Variants in XKR6 observed in about 807,000 individuals in gnomAD.
The protein encoded by XKR6 is XK-related protein 6.
A neutral mutation model predicts 56.7 loss-of-function variants in XKR6; 22 were observed. The observed-to-expected ratio is 0.39, with a 90% CI of 0.28 to 0.55. The LOEUF is 0.55. Among genes scored for constraint, XKR6 ranks in the 20% least tolerant of loss-of-function variants. XKR6 has a pLI of 0.66. For missense variants in XKR6, 852 were observed against 889.0 expected, an observed-to-expected ratio of 0.96 and a Z score of 0.53; for synonymous variants, 524 against 387.8, an observed-to-expected ratio of 1.35 and a Z score of -4.13.
intron 1 of XKR6, among the ~76,000 whole-genome samples, chr8:10,996,415 G>C (rs1273538934): frequency 6.6e-6 from 1 of 152,160 alleles, no homozygotes; most frequent in African/African-American, 2.4e-5. Flanking sequence ...TATATGTTCT[G>C]CTTTTTTTCT....
intron 1 of XKR6, among the ~76,000 whole-genome samples, chr8:11,041,705 G>T (rs528414606): frequency 6.6e-6 from 1 of 152,080 alleles, no homozygotes; most frequent in Non-Finnish European, 1.5e-5. Flanking sequence ...GAGGAGAGGG[G>T]CCCAGGGCCC....
chr8:10,938,349 ATCCCCCGTCT>A (rs1184239413), intron 1 of XKR6, among the ~76,000 whole-genome samples: 1 of 152,140 alleles, frequency 6.6e-6, no homozygotes, highest in Non-Finnish European at 1.5e-5. Flanking sequence ...AAATGCAGAA[ATCCCCCGTCT>A]TCTGCATCGC....
intron 1 of XKR6, among the ~76,000 whole-genome samples, chr8:11,051,341 C>T (rs971636698): frequency 2.0e-5 from 3 of 152,012 alleles, no homozygotes; most frequent in Admixed American, 6.6e-5. Flanking sequence ...ACTTTCCTTC[C>T]GACCATGGAT....
chr8:11,109,277 C>T (rs372117796), intron 1 of XKR6: 1 of 152,214 alleles, frequency 6.6e-6, no homozygotes, highest in African/African-American at 2.4e-5. Context: ...ATCTCCACTA[C>T]GTTCAGTTGT....
At chr8:11,181,871 G>C (rs1391882366) in intron 1 of XKR6, among the ~76,000 whole-genome samples, 1 of 151,322 alleles carries the variant, frequency 6.6e-6, no homozygotes, top group African/African-American at 2.4e-5. Context: ...TTTTCTCTTG[G>C]AGACAGGGTC....
rs1801130239 is a variant in XKR6, at chr8:10,933,586, G to A, written c.765-8756C>T. ...AATTGATTTTTGTATAAGGTGTAAG[G>A]AAGGGATCCAGTTTCAGCTTTCTAC... is the stretch of plus-strand genomic sequence containing the variant. On this transcript the variant is annotated intron_variant, in intron 1 of 2. Transcript: ENST00000416569. Among the ~76,000 whole-genome samples, 2 of 103,602 alleles carry A rather than the reference G, an allele frequency of 1.9e-5. 1 individual carries two copies. Among genetic ancestry groups the A allele is most frequent in the African/African-American group, 9.7e-5 (2 of 20,548 alleles). The allele number at this position is 103,602 out of a possible 152,430, so 68.0% of individuals were successfully genotyped here.
At chr8:11,120,255 T>G (rs1398281846) in intron 1 of XKR6, among the ~76,000 whole-genome samples, 1 of 152,200 alleles carries the variant, frequency 6.6e-6, no homozygotes, top group East Asian at 1.9e-4. Flanking sequence ...TGTCCCTGTT[T>G]GCAGATGACA....
chr8:10,955,431 T>G (rs144996981), intron 1 of XKR6, among the ~76,000 whole-genome samples: 2,370 of 152,280 alleles, frequency 0.016, 26 homozygotes, highest in Non-Finnish European at 0.026. Context: ...TCCCCCCATG[T>G]AGGCCTCCCA....
intron 1 of XKR6, among the ~76,000 whole-genome samples, chr8:10,999,878 T>C (rs1442021246): frequency 6.6e-6 from 1 of 152,014 alleles, no homozygotes; most frequent in African/African-American, 2.4e-5. Flanking sequence ...ATGCCAAGAG[T>C]TAAGACCAAC....
intron 2 of XKR6, among the ~76,000 whole-genome samples, chr8:10,899,163 T>C (rs1799967889): frequency 6.6e-6 from 1 of 152,246 alleles, no homozygotes; most frequent in Non-Finnish European, 1.5e-5. Context: ...AGGGTGATAC[T>C]GAGCCAGTGT....
At chr8:10,935,886 G>A (rs1801194660) in intron 1 of XKR6, among the ~76,000 whole-genome samples, 2 of 140,496 alleles carry the variant, frequency 1.4e-5, no homozygotes, top group Non-Finnish European at 3.1e-5. Flanking sequence ...GTTGATTTGG[G>A]GTGGAGAGTT....
At chr8:11,188,625 G>T (rs1389303190) in intron 1 of XKR6, among the ~76,000 whole-genome samples, 1 of 152,198 alleles carries the variant, frequency 6.6e-6, no homozygotes, top group African/African-American at 2.4e-5. Flanking sequence ...TGAAGGCAAA[G>T]TGGCATCTTT....
chr8:10,945,673 C>G (rs763169636), intron 1 of XKR6, among the ~76,000 whole-genome samples: 192 of 152,306 alleles, frequency 1.3e-3, no homozygotes, highest in Non-Finnish European at 2.2e-3. Flanking sequence ...TTGATTTTCT[C>G]TAATGAATGA....
At position 11,050,840 on chromosome 8, in the gene XKR6, C is replaced by T. The variant is rs528012076; in HGVS notation, c.765-126010G>A. Among the ~76,000 whole-genome samples, 20 of 152,194 alleles carry T rather than the reference C, an allele frequency of 1.3e-4. 2 individuals carry two copies. The South Asian group carries it at 4.2e-3, about 32-fold the overall frequency. ...ATTCCTCAACACCTATCCCCCATTC[C>T]CCAGTGCTGCTCCCCACTCCTCCCT... On this transcript the variant is annotated intron_variant, in intron 1 of 2. Coordinates refer to ENST00000416569, the MANE Select transcript of XKR6 (RefSeq NM_173683.4).
intron 1 of XKR6, among the ~76,000 whole-genome samples, chr8:11,164,585 T>A (rs954939626): frequency 6.6e-6 from 1 of 152,214 alleles, no homozygotes; most frequent in Non-Finnish European, 1.5e-5. Context: ...TCAAAAGCAT[T>A]ACATTATAAG....
intron 1 of XKR6, among the ~76,000 whole-genome samples, chr8:11,163,020 A>G (rs7837437): frequency 0.071 from 10,802 of 152,306 alleles, 657 homozygotes; most frequent in African/African-American, 0.16. Context: ...TTAAAGAGAA[A>G]CAGGTTATTT....
chr8:11,023,524 A>G (rs1390296457), intron 1 of XKR6, among the ~76,000 whole-genome samples: 1 of 152,150 alleles, frequency 6.6e-6, no homozygotes, highest in African/African-American at 2.4e-5. Flanking sequence ...TCAACTTCCC[A>G]AAGTGCTGGC....
intron 1 of XKR6, among the ~76,000 whole-genome samples, chr8:11,183,236 G>C (rs1803093010): frequency 6.6e-6 from 1 of 152,168 alleles, no homozygotes; most frequent in African/African-American, 2.4e-5. Context: ...AATTGAAACT[G>C]CTGGATCATG....
intron 1 of XKR6, among the ~76,000 whole-genome samples, chr8:11,091,530 T>C (rs1798072618): frequency 6.6e-6 from 1 of 151,916 alleles, no homozygotes; most frequent in African/African-American, 2.4e-5. Context: ...GATGACTGGA[T>C]GCCAGTAGCA....
Sources: allele counts gnomAD v4.1 joint callset (sites outside exome capture counted in the v4.1 genomes callset), GRCh38; gene constraint gnomAD v4.1.1; transcripts MANE v1.5; gene names NCBI Gene and HGNC (gene_info 2026-07-23, HGNC 2026-07-21).